Variants in DMD observed in about 807,000 individuals in gnomAD.
DMD encodes the protein dystrophin.
DMD carries 63 observed loss-of-function variants against 330.1 expected under a neutral mutation model. The ratio of observed to expected loss-of-function variants is 0.19; its 90% CI spans 0.16 to 0.24. The LOEUF is 0.24. DMD is among the 10% of genes least tolerant of loss of function. DMD has a pLI of 1.00. For missense variants in DMD, 3,344 were observed against 2,684.1 expected (o/e 1.25, Z -5.43); for synonymous variants, 1,223 against 959.8 (o/e 1.27, Z -5.07).
intron 9 of DMD, among the ~76,000 whole-genome samples, chrX:32,657,323 T>A (rs1157529315): frequency 8.9e-6 from 1 of 111,881 alleles, no homozygotes; most frequent in African/African-American, 3.2e-5. Context: ...TAACCCAATA[T>A]AAAAGATTTC....
intron 60 of DMD, among the ~76,000 whole-genome samples, chrX:31,361,635 T>G (rs1464131098): frequency 9.0e-6 from 1 of 111,546 alleles, no homozygotes. Flanking sequence ...GGAGTATTTT[T>G]TGAACAGGTA....
intron 29 of DMD, among the ~76,000 whole-genome samples, chrX:32,433,480 C>T (rs984284484): frequency 8.9e-6 from 1 of 111,929 alleles, no homozygotes; most frequent in Non-Finnish European, 1.9e-5. Context: ...GTGTTTGAGG[C>T]CAGCCTGGCC....
At chrX:31,547,009 C>T (rs190935586) in intron 55 of DMD, among the ~76,000 whole-genome samples, 1 of 112,112 alleles carries the variant, frequency 8.9e-6, no homozygotes, top group East Asian at 2.8e-4. Context: ...TGAAACATAC[C>T]AGTTCTAGTT....
At chrX:31,724,795 A>G (rs991154471) in intron 52 of DMD, among the ~76,000 whole-genome samples, 1 of 111,790 alleles carries the variant, frequency 8.9e-6, no homozygotes, top group African/African-American at 3.3e-5. Context: ...TAATCACCCT[A>G]CCAGCATAAG....
At chrX:32,646,430 T>C (rs926241035) in intron 9 of DMD, among the ~76,000 whole-genome samples, 1 of 111,094 alleles carries the variant, frequency 9.0e-6, no homozygotes, top group East Asian at 2.8e-4. Flanking sequence ...CAAACAAATA[T>C]TGGAGAAATA....
chrX:32,292,977 G>A (rs1380958921), intron 42 of DMD, among the ~76,000 whole-genome samples: 1 of 112,504 alleles, frequency 8.9e-6, no homozygotes, highest in African/African-American at 3.2e-5. Context: ...TGATGTGAGT[G>A]AATTTCAGAG....
chrX:31,420,269 C>T (rs1372294381), intron 60 of DMD, among the ~76,000 whole-genome samples: 1 of 112,143 alleles, frequency 8.9e-6, no homozygotes, highest in Non-Finnish European at 1.9e-5. Context: ...GAGGGAAAGC[C>T]CTTTCTATAG....
At chrX:32,638,313 A>T (rs775053877) in intron 11 of DMD, among the ~76,000 whole-genome samples, 1 of 111,787 alleles carries the variant, frequency 8.9e-6, no homozygotes, top group East Asian at 2.8e-4. Flanking sequence ...TGAGAAAGTA[A>T]TTAAAATATT....
intron 53 of DMD, among the ~76,000 whole-genome samples, chrX:31,675,946 T>C (rs1012098700): frequency 6.2e-5 from 7 of 112,326 alleles, no homozygotes; most frequent in African/African-American, 2.3e-4. Context: ...GTATCAAGCA[T>C]TTTTGGTAAT....
intron 43 of DMD, among the ~76,000 whole-genome samples, chrX:32,266,610 ATTAT>A (rs1213720953): frequency 8.9e-6 from 1 of 111,938 alleles, no homozygotes; most frequent in Non-Finnish European, 1.9e-5. Flanking sequence ...CATTTACAGA[ATTAT>A]TTAATGGAAA....
intron 48 of DMD, among the ~76,000 whole-genome samples, chrX:31,851,328 T>C (rs977105963): frequency 1.8e-5 from 2 of 111,532 alleles, no homozygotes; most frequent in Non-Finnish European, 3.8e-5. Context: ...TCAAAAATAA[T>C]CTGTCCAAAT....
chrX:32,516,946 T>A (rs1428151147), intron 18 of DMD: 1 of 111,912 alleles, frequency 8.9e-6, no homozygotes, highest in Non-Finnish European at 1.9e-5. Flanking sequence ...AATTTATAAG[T>A]AGTTAACTCT....
chrX:32,366,109 A>G (rs2097853626), intron 34 of DMD, among the ~76,000 whole-genome samples: 2 of 112,732 alleles, frequency 1.8e-5, no homozygotes, highest in Non-Finnish European at 3.7e-5. Flanking sequence ...GAGGTGATTT[A>G]TAAAACATGA....
intron 1 of DMD, among the ~76,000 whole-genome samples, chrX:33,163,482 G>A (rs1395066312): frequency 9.2e-6 from 1 of 108,418 alleles, no homozygotes; most frequent in Non-Finnish European, 1.9e-5. Context: ...GTTGCAGTGA[G>A]CCAAGATCGT....
intron 1 of DMD, among the ~76,000 whole-genome samples, chrX:33,181,195 T>G (rs372588252): frequency 9.0e-6 from 1 of 111,532 alleles, no homozygotes; most frequent in Non-Finnish European, 1.9e-5. Flanking sequence ...CTTTAAACAA[T>G]GAGTTAGTTA....
At chrX:31,573,147 AC>A (rs1029479212) in intron 55 of DMD, among the ~76,000 whole-genome samples, 2 of 111,552 alleles carry the variant, frequency 1.8e-5, no homozygotes, top group African/African-American at 6.5e-5. Context: ...GAGGTTGCAA[AC>A]AAAGACTCCT....
intron 52 of DMD, among the ~76,000 whole-genome samples, chrX:31,684,470 C>T (rs780762110): frequency 5.1e-4 from 57 of 111,946 alleles, no homozygotes; most frequent in African/African-American, 1.7e-3. Flanking sequence ...CAATAGACCT[C>T]TCTTTGCTCT....
Position 32,536,264 on chromosome X carries a change from CAAAAAAAAAAAA to C in DMD, c.2168+8883_2168+8894del, listed in dbSNP as rs1191335690. The stretch of plus-strand genomic sequence containing the variant: ...TGGCAACAGAGTGAGACTCCGTCTC[CAAAAAAAAAAAA>C]AAAAAAAAAAAACACACAAATGGCT... On this transcript the variant is annotated intron_variant, in intron 17 of 78. Coordinates refer to ENST00000357033, the MANE Select transcript of DMD (RefSeq NM_004006.3). Among the ~76,000 whole-genome samples the C allele has an allele frequency of 1.8e-3, 67 of 36,361 alleles. 1 individual carries two copies. The highest frequency in any genetic ancestry group is 0.017 in the East Asian group (17 of 980). 31.6% of individuals were successfully genotyped at this position (36,361 alleles called of 115,157 possible).
intron 43 of DMD, among the ~76,000 whole-genome samples, chrX:32,242,352 T>A (rs1452254160): frequency 9.0e-6 from 1 of 111,725 alleles, no homozygotes; most frequent in African/African-American, 3.3e-5. Flanking sequence ...ATCACTCCCC[T>A]CCTTTAAACT....
Sources: gnomAD v4.1 joint callset for allele counts (sites outside exome capture counted in the v4.1 genomes callset) on GRCh38, gnomAD v4.1.1 for gene constraint, MANE v1.5 for transcripts, NCBI Gene and HGNC (gene_info 2026-07-23, HGNC 2026-07-21) for gene names.